The following TMEM132B variants were observed in gnomAD, a reference collection of about 807,000 sequenced individuals.
The protein encoded by TMEM132B is transmembrane protein 132B.
Under a neutral mutation model 90.8 loss-of-function variants are expected in TMEM132B, and 18 were observed. That is an observed-to-expected ratio of 0.20 (90% CI 0.14 to 0.29). The LOEUF (loss-of-function observed/expected upper bound fraction) is 0.29, where lower values mean the gene tolerates loss of function less well. Ranked by LOEUF, TMEM132B falls within the 10% of genes least tolerant of loss-of-function variation. TMEM132B has a pLI of 1.00. For missense variants in TMEM132B, 1,096 were observed against 1,326.8 expected (o/e 0.83, Z 2.70); for synonymous variants, 504 against 523.3 (o/e 0.96, Z 0.50).
At chr12:125,623,081 G>A (rs2136974146) in intron 5 of TMEM132B, among the ~76,000 whole-genome samples, 1 of 152,236 alleles carries the variant, frequency 6.6e-6, no homozygotes, top group South Asian at 2.1e-4. Context: ...AGTAGGTTCG[G>A]GGAGTGCAGT....
At chr12:125,425,124 G>A (rs1483420887) in intron 3 of TMEM132B, among the ~76,000 whole-genome samples, 1 of 152,224 alleles carries the variant, frequency 6.6e-6, no homozygotes, top group Non-Finnish European at 1.5e-5. Flanking sequence ...CCTGACTCAA[G>A]CTTGGTTAAG....
intron 1 of TMEM132B, among the ~76,000 whole-genome samples, chr12:125,270,806 G>A (rs1019881810): frequency 2.6e-5 from 4 of 152,066 alleles, no homozygotes; most frequent in African/African-American, 9.7e-5. Context: ...GGTAGGAGGT[G>A]CAGTAGAGGT....
At chr12:125,604,717 T>G (rs1885651281) in intron 5 of TMEM132B, among the ~76,000 whole-genome samples, 1 of 152,240 alleles carries the variant, frequency 6.6e-6, no homozygotes, top group Non-Finnish European at 1.5e-5. Context: ...CATATTCTCC[T>G]GTAGAGGATT....
intron 5 of TMEM132B, among the ~76,000 whole-genome samples, chr12:125,597,532 G>A (rs1885467973): frequency 1.3e-5 from 2 of 152,210 alleles, no homozygotes; most frequent in South Asian, 4.1e-4. Context: ...TGAGCAAGCA[G>A]GCACTGTATC....
chr12:125,315,593 A>G (rs1244379989), intron 1 of TMEM132B, among the ~76,000 whole-genome samples: 1 of 152,204 alleles, frequency 6.6e-6, no homozygotes, highest in Non-Finnish European at 1.5e-5. Context: ...GATAGCCCCG[A>G]TGCCGTGGGT....
At chr12:125,308,722 C>A (rs1876053718) in intron 1 of TMEM132B, among the ~76,000 whole-genome samples, 1 of 151,904 alleles carries the variant, frequency 6.6e-6, no homozygotes, top group Non-Finnish European at 1.5e-5. Context: ...GAAATGTCAG[C>A]TGTTCACATT....
At chr12:125,428,780 A>G (rs1880408732) in intron 3 of TMEM132B, among the ~76,000 whole-genome samples, 2 of 152,204 alleles carry the variant, frequency 1.3e-5, no homozygotes, top group Admixed American at 6.5e-5. Flanking sequence ...ATTTGATTTT[A>G]TCCAATTATG....
At chr12:125,391,033 A>G (rs963840631) in intron 2 of TMEM132B, among the ~76,000 whole-genome samples, 1 of 116,208 alleles carries the variant, frequency 8.6e-6, no homozygotes, top group Non-Finnish European at 1.7e-5. Context: ...CAGATTTACT[A>G]AAGAATAGTG....
At chr12:125,308,832 TC>T (rs1443995378) in intron 1 of TMEM132B, among the ~76,000 whole-genome samples, 1 of 152,174 alleles carries the variant, frequency 6.6e-6, no homozygotes, top group African/African-American at 2.4e-5. Flanking sequence ...CTCAATTCCA[TC>T]CCCTCTCCCA....
chr12:125,194,677 G>A (rs964210352), intron 1 of TMEM132B, among the ~76,000 whole-genome samples: 1 of 149,640 alleles, frequency 6.7e-6, no homozygotes, highest in African/African-American at 2.5e-5. Context: ...CATTCCTGGC[G>A]AGCAGAGGGG....
At position 125,580,712 on chromosome 12, in the gene TMEM132B, G is replaced by A. The variant is rs1407486526; in HGVS notation, c.1294-3139G>A. ...TTGGTTTATTTCCAGAGTTAAAAAA[G>A]TTGATCTTGACAGGAGAAGGGAATT... On this transcript the variant is annotated intron_variant, in intron 4 of 8. Transcript: ENST00000682704. Among the ~76,000 whole-genome samples the A allele has an allele frequency of 3.3e-5, 5 of 152,192 alleles. No individual in the cohort carries two copies. In the East Asian group the frequency reaches 5.8e-4, roughly 18 times the overall value.
intron 3 of TMEM132B, among the ~76,000 whole-genome samples, chr12:125,468,520 G>C (rs1003637504): frequency 2.0e-5 from 3 of 152,224 alleles, no homozygotes; most frequent in Non-Finnish European, 4.4e-5. Flanking sequence ...TTGGTGAAGA[G>C]ACTCTTCTTT....
intron 3 of TMEM132B, among the ~76,000 whole-genome samples, chr12:125,493,125 A>T (rs1005968653): frequency 6.6e-6 from 1 of 152,158 alleles, no homozygotes; most frequent in African/African-American, 2.4e-5. Context: ...TAGCTCATGC[A>T]GTCCTCAAAA....
intron 4 of TMEM132B, among the ~76,000 whole-genome samples, chr12:125,523,895 C>T (rs1883377262): frequency 1.3e-5 from 2 of 152,218 alleles, no homozygotes; most frequent in Admixed American, 6.5e-5. Flanking sequence ...TTCCAGAGGA[C>T]CCCAGAGCAG....
chr12:125,234,331 C>G (rs1267404044), intron 1 of TMEM132B, among the ~76,000 whole-genome samples: 3 of 152,194 alleles, frequency 2.0e-5, no homozygotes, highest in African/African-American at 4.8e-5. Context: ...GGACCCAACC[C>G]CCTATTTTCC....
intron 1 of TMEM132B, among the ~76,000 whole-genome samples, chr12:125,288,420 G>A (rs1428314327): frequency 3.7e-5 from 5 of 135,934 alleles, no homozygotes; most frequent in South Asian, 2.3e-4. Flanking sequence ...CCAACATCGC[G>A]CCACTGCACT....
At chr12:125,301,004 A>G (rs10773157) in intron 1 of TMEM132B, 64,915 of 151,666 alleles carry the variant, frequency 0.43, 14,292 homozygotes, top group East Asian at 0.56. Context: ...CTCCATTGCT[A>G]CGTGACTCTG....
intron 3 of TMEM132B, among the ~76,000 whole-genome samples, chr12:125,430,533 C>T (rs1880470015): frequency 6.6e-6 from 1 of 152,146 alleles, no homozygotes. Flanking sequence ...AGAGCATCTG[C>T]AAAGGCTCCC....
chr12:125,527,143 T>TATCCACCC (rs545979685), intron 4 of TMEM132B, among the ~76,000 whole-genome samples: 2 of 52,002 alleles, frequency 3.8e-5, no homozygotes, highest in East Asian at 6.5e-4. Flanking sequence ...TTTACCCTTC[T>TATCCACCC]ATCCACCCAT....
Sources: gnomAD v4.1 joint callset for allele counts (sites outside exome capture counted in the v4.1 genomes callset) on GRCh38, gnomAD v4.1.1 for gene constraint, MANE v1.5 for transcripts, NCBI Gene and HGNC (gene_info 2026-07-23, HGNC 2026-07-21) for gene names.